The following ANKRD33B variants were observed in gnomAD, a reference collection of about 807,000 sequenced individuals.
ANKRD33B encodes the protein ankyrin repeat domain-containing protein 33B.
In ANKRD33B, 6 loss-of-function variants were observed where a neutral mutation model predicts 21.5. The ratio of observed to expected loss-of-function variants is 0.28; its 90% CI spans 0.15 to 0.55. ANKRD33B has a LOEUF of 0.55. ANKRD33B is among the 20% of genes least tolerant of loss of function. The pLI is 0.94. For missense variants in ANKRD33B, 698 were observed against 747.2 expected (o/e 0.93, Z 0.77); for synonymous variants, 347 against 342.4 (o/e 1.01, Z -0.15).
At chr5:10,601,052 A>G (rs1220547021) in intron 1 of ANKRD33B, among the ~76,000 whole-genome samples, 2 of 152,218 alleles carry the variant, frequency 1.3e-5, no homozygotes, top group East Asian at 1.9e-4. Flanking sequence ...CCTGACAGCT[A>G]TGAGTCAGAC....
In ANKRD33B at chr5:10,650,233, G is replaced by A. The variant is rs990707324; in HGVS notation, c.*120G>A. 3 of 1,108,896 alleles carry A rather than the reference G, an allele frequency of 2.7e-6. No individual in the cohort carries two copies. Among genetic ancestry groups the A allele is most frequent in the African/African-American group, 3.3e-5 (2 of 59,730 alleles). 68.7% of individuals were successfully genotyped at this position (1,108,896 alleles called of 1,614,324 possible). A position where few individuals can be genotyped will look rare whatever the true frequency, so the allele number is the denominator to read the frequency against. ...CCACTTCCGCTCCATGGACCACGGG[G>A]CTGCGCGCATTTCCAGGCTGTTTGT... On this transcript the variant is annotated 3_prime_UTR_variant, in exon 4 of 4. Transcript: ENST00000296657.
intron 2 of ANKRD33B, among the ~76,000 whole-genome samples, chr5:10,624,276 C>A (rs2126587691): frequency 6.6e-6 from 1 of 152,020 alleles, no homozygotes; most frequent in African/African-American, 2.4e-5. Context: ...ATTATAGGCG[C>A]CAGTCACCGT....
chr5:10,648,478 G>A (rs908775132), intron 3 of ANKRD33B, among the ~76,000 whole-genome samples: 1 of 152,246 alleles, frequency 6.6e-6, no homozygotes, highest in African/African-American at 2.4e-5. Context: ...TCTGTAATTT[G>A]GCCAGGCGCA....
chr5:10,624,289 C>G (rs1465342609), intron 2 of ANKRD33B, among the ~76,000 whole-genome samples: 1 of 152,030 alleles, frequency 6.6e-6, no homozygotes, highest in Non-Finnish European at 1.5e-5. Context: ...GTCACCGTGC[C>G]CAGCTACTTC....
At chr5:10,573,218 C>A (rs889001838) in intron 1 of ANKRD33B, among the ~76,000 whole-genome samples, 2 of 152,138 alleles carry the variant, frequency 1.3e-5, no homozygotes, top group Non-Finnish European at 2.9e-5. Flanking sequence ...CCTGTAATCC[C>A]AGCACTTTGG....
At chr5:10,588,683 C>G (rs932909376) in intron 1 of ANKRD33B, among the ~76,000 whole-genome samples, 2 of 152,196 alleles carry the variant, frequency 1.3e-5, no homozygotes, top group African/African-American at 4.8e-5. Flanking sequence ...CCTTTTTCCC[C>G]TCTTCCGGGC....
In ANKRD33B at chr5:10,605,560, T is replaced by C. The variant is rs548274395; in HGVS notation, c.367-12773T>C. ...TTTTTTTTTTTGAGGTGGAGTTTTGTTGTTGTTGCCCAGGCTGGAGTGCAG... is the reference window on the plus strand; with the variant it reads ...TTTTTTTTTTTGAGGTGGAGTTTTGCTGTTGTTGCCCAGGCTGGAGTGCAG... On this transcript the variant is annotated intron_variant, in intron 1 of 3. Transcript: ENST00000296657. Among the ~76,000 whole-genome samples the C allele has an allele frequency of 2.0e-5, 3 of 151,806 alleles. No individual in the cohort carries two copies. In the South Asian group the frequency reaches 6.2e-4, roughly 32 times the overall value.
chr5:10,606,474 G>A (rs1229794308), intron 1 of ANKRD33B, among the ~76,000 whole-genome samples: 5 of 152,132 alleles, frequency 3.3e-5, no homozygotes, highest in East Asian at 3.9e-4. Flanking sequence ...AGTAGCTCAC[G>A]CCTGTAATCC....
chr5:10,587,289 C>T (rs2126557623), intron 1 of ANKRD33B, among the ~76,000 whole-genome samples: 1 of 151,978 alleles, frequency 6.6e-6, no homozygotes, highest in South Asian at 2.1e-4. Flanking sequence ...TTAGTAATGA[C>T]GGGGTTTCAC....
chr5:10,655,847 C>T lies in ANKRD33B; in HGVS notation c.*5734C>T, dbSNP rs1459822461. Reference sequence around the variant, plus strand: ...GGGCCCTGTTTCTTCCAGCCTGGTCCTTGGTTTCTACCCCAGCCGCTTTCA... The same window carrying T: ...GGGCCCTGTTTCTTCCAGCCTGGTCTTTGGTTTCTACCCCAGCCGCTTTCA... On this transcript the variant is annotated 3_prime_UTR_variant, in exon 4 of 4. Coordinates refer to ENST00000296657, the MANE Select transcript of ANKRD33B (RefSeq NM_001164440.2). 4.6e-5 allele frequency: 7 copies of T among 152,390 alleles called. No homozygotes were observed. Among genetic ancestry groups the T allele is most frequent in the East Asian group, 1.9e-4 (1 of 5,308 alleles). The allele number at this position is 152,390 out of a possible 1,614,324, so 9.4% of individuals were successfully genotyped here. A position where few individuals can be genotyped will look rare whatever the true frequency, so the allele number is the denominator to read the frequency against.
At chr5:10,567,708 G>C (rs934651368) in intron 1 of ANKRD33B, among the ~76,000 whole-genome samples, 1 of 152,220 alleles carries the variant, frequency 6.6e-6, no homozygotes, top group Non-Finnish European at 1.5e-5. Flanking sequence ...TTAGAGAGCA[G>C]GTGACGTTTG....
chr5:10,620,830 G>T lies in ANKRD33B; in HGVS notation c.496+2368G>T, dbSNP rs76296527. ...CTGCTTACATTTCTCCATTTTAAAGGCAGATATTTCCCCTCTGTAATTAGT... is the reference window on the plus strand; with the variant it reads ...CTGCTTACATTTCTCCATTTTAAAGTCAGATATTTCCCCTCTGTAATTAGT... On this transcript the variant is annotated intron_variant, in intron 2 of 3. Coordinates refer to ENST00000296657, the MANE Select transcript of ANKRD33B (RefSeq NM_001164440.2). Among the ~76,000 whole-genome samples the T allele has an allele frequency of 4.6e-3, 707 of 152,286 alleles. 5 individuals carry two copies. Among genetic ancestry groups the T allele is most frequent in the African/African-American group, 0.016 (681 of 41,546 alleles).
chr5:10,620,202 G>C (rs898253900), intron 2 of ANKRD33B, among the ~76,000 whole-genome samples: 6 of 152,220 alleles, frequency 3.9e-5, no homozygotes, highest in Admixed American at 3.9e-4. Context: ...GCCGGGAGCT[G>C]TGTGGCTAGA....
chr5:10,624,114 G>GTTCT (rs993470187), intron 2 of ANKRD33B, among the ~76,000 whole-genome samples: 1 of 146,706 alleles, frequency 6.8e-6, no homozygotes, highest in Non-Finnish European at 1.5e-5. Flanking sequence ...GTTTTCTTTC[G>GTTCT]TTCTTTCTTT....
chr5:10,564,669 G>A lies in ANKRD33B; in HGVS notation c.202G>A (p.Gly68Ser). ...CCCTTTCGAGGACGAGGAGGAGCAC[G>A]GCGTCGAGAGCGCGGAGAGCGTCCC... is the stretch of plus-strand genomic sequence containing the variant. Reference protein sequence around the residue: ...FYPFEDEEEHGVESAESVPEG... With the variant: ...FYPFEDEEEHSVESAESVPEG... The change falls in exon 1 of 4, where the codon GGC (glycine) becomes AGC (serine). Residue 68 changes from glycine (G) to serine (S), a missense_variant. By Grantham distance (56) the Gly-to-Ser change is moderately conservative. Around this residue, in one of 3 missense-constraint regions of ANKRD33B, gnomAD observed 148 missense variants for 154.9 expected, o/e 0.96. Coordinates refer to ENST00000296657, the MANE Select transcript of ANKRD33B (RefSeq NM_001164440.2). 1.3e-6 allele frequency: 2 copies of A among 1,534,828 alleles called. No individual in the cohort carries two copies. Among genetic ancestry groups the A allele is most frequent in the Non-Finnish European group, 1.7e-6 (2 of 1,146,512 alleles).
rs1262316993 is a variant in ANKRD33B at position 10,649,383 on chromosome 5, C to T, written c.755C>T (p.Pro252Leu). 5.9e-6 allele frequency: 9 copies of T among 1,535,348 alleles called. No homozygotes were observed. Among genetic ancestry groups the T allele is most frequent in the South Asian group, 2.4e-5 (2 of 84,036 alleles). The change falls in exon 4 of 4, where the codon CCG becomes CTG. Residue 252 changes from proline to leucine, a missense_variant. By Grantham distance (98) the Pro-to-Leu change is moderately conservative. Around this residue, in one of 3 missense-constraint regions of ANKRD33B, gnomAD observed 543 missense variants for 566.5 expected, o/e 0.96. Transcript: ENST00000296657. ...CAGAGGCTGCTGGAGCGCCCCTGCC[C>T]GGAGCAGTTCTGGGAGAAGTACCGG... The part of the protein sequence containing the change: ...LMQRLLERPC[P>L]EQFWEKYRPE...
At chr5:10,565,889 C>G (rs1735041689) in intron 1 of ANKRD33B, among the ~76,000 whole-genome samples, 1 of 152,202 alleles carries the variant, frequency 6.6e-6, no homozygotes, top group African/African-American at 2.4e-5. Flanking sequence ...GAGCCTGCAG[C>G]TGACAGAAAA....
intron 1 of ANKRD33B, among the ~76,000 whole-genome samples, chr5:10,572,245 A>C (rs1436763601): frequency 1.3e-5 from 2 of 152,152 alleles, no homozygotes; most frequent in African/African-American, 2.4e-5. Context: ...GCCAACACTG[A>C]CAATCACTGG....
Position 10,654,201 on chromosome 5 carries a change from T to C in ANKRD33B, c.*4088T>C, listed in dbSNP as rs1294476212. On this transcript the variant is annotated 3_prime_UTR_variant, in exon 4 of 4. Coordinates refer to ENST00000296657, the MANE Select transcript of ANKRD33B (RefSeq NM_001164440.2). ...AGTGAATGAATGGCAGGCCTGCCAG[T>C]GACTGTGCTGATGGCTTAGAATTCC... The C allele has an allele frequency of 6.6e-6, 1 of 152,408 alleles. No individual in the cohort carries two copies. The highest frequency in any genetic ancestry group is 1.5e-5 in the Non-Finnish European group (1 of 68,120). 9.4% of individuals were successfully genotyped at this position (152,408 alleles called of 1,614,324 possible).
Sources: allele counts gnomAD v4.1 joint callset (sites outside exome capture counted in the v4.1 genomes callset), GRCh38; gene constraint gnomAD v4.1.1; regional missense constraint gnomAD v4.1.1; transcripts MANE v1.5; gene names NCBI Gene and HGNC (gene_info 2026-07-23, HGNC 2026-07-21).